CAND1: variants seen among roughly 807,000 people sequenced by gnomAD.
The protein encoded by CAND1 is cullin associated and neddylation dissociated 1.
In CAND1, 7 loss-of-function variants were observed where a neutral mutation model predicts 108.5. That is an observed-to-expected ratio of 0.06 (90% confidence interval 0.04 to 0.12). The LOEUF (loss-of-function observed/expected upper bound fraction) is 0.12, where lower values mean the gene tolerates loss of function less well. Among genes scored for constraint, CAND1 ranks in the 10% least tolerant of loss-of-function variants. The pLI is 1.00. For missense variants in CAND1, 941 were observed against 1,448.7 expected (o/e 0.65, Z 5.69); for synonymous variants, 534 against 512.0 (o/e 1.04, Z -0.58).
intron 8 of CAND1, among the ~76,000 whole-genome samples, chr12:67,302,930 A>G (rs1224380300): frequency 2.6e-5 from 4 of 152,174 alleles, no homozygotes; most frequent in Non-Finnish European, 5.9e-5. Flanking sequence ...CTTCATTTCT[A>G]ATTTAGGTGT....
At chr12:67,282,340 T>TTGACTA (rs1342717332) in intron 2 of CAND1, among the ~76,000 whole-genome samples, 6 of 149,204 alleles carry the variant, frequency 4.0e-5, no homozygotes, top group African/African-American at 1.3e-4. Flanking sequence ...GTCTACATTT[T>TTGACTA]TAGTTGAGTT....
intron 3 of CAND1, among the ~76,000 whole-genome samples, chr12:67,293,797 T>G (rs1432714255): frequency 6.6e-6 from 1 of 152,000 alleles, no homozygotes; most frequent in African/African-American, 2.4e-5. Context: ...GTAGTCTGGG[T>G]ATGTTATTTC....
intron 1 of CAND1, among the ~76,000 whole-genome samples, chr12:67,274,805 G>C (rs1054277196): frequency 2.0e-5 from 3 of 152,068 alleles, no homozygotes; most frequent in Admixed American, 6.5e-5. Flanking sequence ...TTTGGAAACT[G>C]TTTAAAATGC....
Position 67,318,495 on chromosome 12 carries a change from AAT to A in CAND1, c.*5669_*5670del, listed in dbSNP as rs2045030252. 1.3e-5 allele frequency: 2 copies of A among 152,254 alleles called. No homozygotes were observed. The highest frequency in any genetic ancestry group is 2.9e-5 in the Non-Finnish European group (2 of 68,048). 9.4% of individuals were successfully genotyped at this position (152,254 alleles called of 1,614,324 possible). On this transcript the variant is annotated 3_prime_UTR_variant, in exon 15 of 15. Transcript: ENST00000545606. ...AAACAGTACCTGGGACATACTAAGT[AAT>A]ATAATTGTTAACTCTTACTAGCATT... is the stretch of plus-strand genomic sequence containing the variant.
intron 3 of CAND1, among the ~76,000 whole-genome samples, chr12:67,294,276 T>C (rs2044748339): frequency 6.6e-6 from 1 of 152,218 alleles, no homozygotes; most frequent in Non-Finnish European, 1.5e-5. Flanking sequence ...AGTAACAACA[T>C]GACCTACTGT....
chr12:67,299,200 G>A (rs1323004567), intron 7 of CAND1, 105 bp downstream of exon 7: 4 of 1,099,934 alleles, frequency 3.6e-6, no homozygotes, highest in Non-Finnish European at 1.2e-6. Context: ...AGTTATAATA[G>A]TGAAAAGGGA....
chr12:67,306,660 AC>A, intron 10 of CAND1, 63 bp downstream of exon 10: 1 of 1,261,390 alleles, frequency 7.9e-7, no homozygotes, highest in Non-Finnish European at 1.1e-6. Flanking sequence ...CTTAAAAGAC[AC>A]CTAATAAAGA....
At chr12:67,278,761 T>C (rs112857133) in intron 1 of CAND1, among the ~76,000 whole-genome samples, 2 of 151,416 alleles carry the variant, frequency 1.3e-5, no homozygotes, top group African/African-American at 4.8e-5. Flanking sequence ...TCAGGAGATC[T>C]GCCTGCCTTG....
At chr12:67,294,919 T>C (rs2044754851) in intron 3 of CAND1, 114 bp from the exon 4 acceptor site, 2 of 1,039,674 alleles carry the variant, frequency 1.9e-6, no homozygotes, top group Non-Finnish European at 2.7e-6. Flanking sequence ...GCCCTGGATC[T>C]GTTGTGTCTC....
At chr12:67,273,471 GTTCTT>G (rs1263780569) in intron 1 of CAND1, among the ~76,000 whole-genome samples, 5 of 142,238 alleles carry the variant, frequency 3.5e-5, no homozygotes, top group South Asian at 4.5e-4. Context: ...AGGTAACTAA[GTTCTT>G]TTCTTTTTTT....
chr12:67,309,196 G>A (rs2044922901), intron 11 of CAND1, among the ~76,000 whole-genome samples: 1 of 151,942 alleles, frequency 6.6e-6, no homozygotes, highest in Non-Finnish European at 1.5e-5. Flanking sequence ...CAAGTAAAAT[G>A]ATTTGAACCA....
At position 67,311,760 on chromosome 12, in the gene CAND1, A is replaced by G; in HGVS notation, c.3428A>G (p.Asp1143Gly). The G allele has an allele frequency of 1.2e-6, 2 of 1,612,062 alleles. No individual in the cohort carries two copies. Among genetic ancestry groups the G allele is most frequent in the Non-Finnish European group, 1.7e-6 (2 of 1,178,260 alleles). The change falls in exon 14 of 15, where the codon GAC becomes GGC. Residue 1143 changes from aspartate (D) to glycine (G), a missense_variant. Transcript: ENST00000545606. ...CCAAGTGCAGTACTGCAGAGGTTGG[A>G]CCGACTTGTTGAGCCATTACGTGCA... The part of the protein sequence containing the change: ...LCPSAVLQRL[D>G]RLVEPLRATC...
chr12:67,300,652 C>G (rs2136012657), intron 7 of CAND1, among the ~76,000 whole-genome samples: 1 of 152,152 alleles, frequency 6.6e-6, no homozygotes, highest in South Asian at 2.1e-4. Flanking sequence ...CACTTAGTAA[C>G]TTTCTGACAT....
intron 8 of CAND1, among the ~76,000 whole-genome samples, chr12:67,303,839 A>C (rs1176720891): frequency 6.6e-6 from 1 of 152,170 alleles, no homozygotes; most frequent in Non-Finnish European, 1.5e-5. Flanking sequence ...GCAAATGGAA[A>C]GTAAGAAAAG....
At chr12:67,295,338 A>T (rs2044759478) in intron 4 of CAND1, among the ~76,000 whole-genome samples, 182 bp downstream of exon 4, 2 of 152,230 alleles carry the variant, frequency 1.3e-5, no homozygotes, top group Non-Finnish European at 2.9e-5. Context: ...CTAACATATA[A>T]GTATATAATA....
At chr12:67,283,696 T>C (rs2044641711) in intron 2 of CAND1, among the ~76,000 whole-genome samples, 1 of 152,234 alleles carries the variant, frequency 6.6e-6, no homozygotes, top group Non-Finnish European at 1.5e-5. Context: ...AATTAAACTT[T>C]GTTCAAAATA....
chr12:67,307,556 A>C (rs1047644675), intron 11 of CAND1, 64 bp downstream of exon 11: 1 of 955,636 alleles, frequency 1.0e-6, no homozygotes, highest in Non-Finnish European at 1.6e-6. Flanking sequence ...AAACTCTTGA[A>C]CTTAGTAACT....
chr12:67,306,689 AT>A (rs775918687), intron 10 of CAND1, 92 bp downstream of exon 10: 2 of 986,054 alleles, frequency 2.0e-6, no homozygotes, highest in Non-Finnish European at 3.0e-6. Context: ...CCATGTCTAT[AT>A]TTTCTTAAAC....
Position 67,302,393 on chromosome 12 carries a change from G to A in CAND1, c.1071G>A (p.Leu357=). The A allele has an allele frequency of 1.2e-6, 2 of 1,614,068 alleles. No individual in the cohort carries two copies. The highest frequency in any genetic ancestry group is 1.7e-6 in the Non-Finnish European group (2 of 1,179,928). ...TGAGACGTGCAGCTGCGAAGTGCTTGGATGCTGTAGTTAGCACAAGGCATG... is the reference window on the plus strand; with the variant it reads ...TGAGACGTGCAGCTGCGAAGTGCTTAGATGCTGTAGTTAGCACAAGGCATG... The part of the protein sequence containing the change: ...WKVRRAAAKC[L]DAVVSTRHEM... The change falls in exon 8 of 15, where the codon TTG becomes TTA. Residue 357 remains leucine (L), a synonymous_variant. Transcript: ENST00000545606.
Sources: allele counts gnomAD v4.1 joint callset (sites outside exome capture counted in the v4.1 genomes callset), GRCh38; gene constraint gnomAD v4.1.1; transcripts MANE v1.5; gene names NCBI Gene and HGNC (gene_info 2026-07-23, HGNC 2026-07-21).